Variants in PTPRG observed in about 807,000 individuals in gnomAD.
PTPRG encodes protein tyrosine phosphatase receptor type G, also known as receptor-type tyrosine-protein phosphatase gamma.
In PTPRG, 102 loss-of-function variants were observed where a neutral mutation model predicts 165.3. The observed-to-expected ratio is 0.62, with a 90% CI of 0.53 to 0.73. The LOEUF (loss-of-function observed/expected upper bound fraction) is 0.73. Ranked by LOEUF, PTPRG falls within the 30% of genes least tolerant of loss-of-function variation. PTPRG has a pLI of 0.00. For synonymous variants in PTPRG, 675 were observed against 669.5 expected, an observed-to-expected ratio of 1.01 and a Z score of -0.13; for missense variants, 1,866 against 1,861.4, an observed-to-expected ratio of 1.00 and a Z score of -0.05.
At chr3:62,201,863 T>G (rs776330093) in intron 11 of PTPRG, among the ~76,000 whole-genome samples, 17 of 152,228 alleles carry the variant, frequency 1.1e-4, no homozygotes, top group Non-Finnish European at 2.2e-4. Flanking sequence ...CCCTTTCATT[T>G]GACATATACT....
At chr3:62,053,105 T>A (rs1700515678) in intron 4 of PTPRG, among the ~76,000 whole-genome samples, 1 of 150,338 alleles carries the variant, frequency 6.7e-6, no homozygotes, top group Non-Finnish European at 1.5e-5. Context: ...CTGGCTTTGA[T>A]TTTTTTTTTC....
chr3:61,587,450 T>A (rs893489718), intron 1 of PTPRG, among the ~76,000 whole-genome samples: 10 of 152,186 alleles, frequency 6.6e-5, no homozygotes, highest in Non-Finnish European at 1.3e-4. Context: ...GCAGCCGTGA[T>A]GTTTCTTTAC....
At chr3:62,007,763 G>T (rs1049383882) in intron 4 of PTPRG, among the ~76,000 whole-genome samples, 1 of 152,214 alleles carries the variant, frequency 6.6e-6, no homozygotes, top group Admixed American at 6.5e-5. Context: ...ATGGAGACAT[G>T]GATACTTATT....
chr3:62,261,430 G>C (rs1443288161), intron 16 of PTPRG, among the ~76,000 whole-genome samples: 1 of 152,142 alleles, frequency 6.6e-6, no homozygotes, highest in Non-Finnish European at 1.5e-5. Context: ...TTAGAGAAGA[G>C]CCAAAGGGCA....
At chr3:62,139,158 G>A (rs750814197) in intron 6 of PTPRG, among the ~76,000 whole-genome samples, 10 of 152,110 alleles carry the variant, frequency 6.6e-5, no homozygotes, top group Admixed American at 5.9e-4. Context: ...AAATGTGAGG[G>A]GGACAGTCAG....
At chr3:62,018,112 T>C (rs568787762) in intron 4 of PTPRG, among the ~76,000 whole-genome samples, 1 of 152,304 alleles carries the variant, frequency 6.6e-6, no homozygotes, top group East Asian at 1.9e-4. Context: ...CCAGGCAATA[T>C]GCTGAACATT....
intron 4 of PTPRG, among the ~76,000 whole-genome samples, chr3:62,022,193 A>C (rs184070764): frequency 1.6e-4 from 24 of 152,200 alleles, no homozygotes; most frequent in Non-Finnish European, 2.9e-4. Context: ...CTCAGTGCTG[A>C]GTGTAGTACT....
intron 1 of PTPRG, chr3:61,659,300 A>G (rs1702597112): frequency 4.3e-5 from 42 of 985,270 alleles, no homozygotes; most frequent in Non-Finnish European, 4.9e-5. Context: ...AAAGGCACTG[A>G]TGGTGCAAGT....
chr3:61,821,612 A>C (rs149610814), intron 2 of PTPRG, among the ~76,000 whole-genome samples: 8 of 152,192 alleles, frequency 5.3e-5, no homozygotes, highest in African/African-American at 1.9e-4. Flanking sequence ...TTATAAAGCT[A>C]ATAAAGGAAG....
At chr3:61,778,477 G>C (rs2034449389) in intron 2 of PTPRG, among the ~76,000 whole-genome samples, 1 of 152,006 alleles carries the variant, frequency 6.6e-6, no homozygotes. Context: ...GATGGGGGTG[G>C]GTTTGCAAAG....
intron 1 of PTPRG, among the ~76,000 whole-genome samples, chr3:61,668,049 G>C (rs1441464393): frequency 7.9e-5 from 12 of 152,180 alleles, no homozygotes; most frequent in African/African-American, 2.7e-4. Flanking sequence ...GTAGAAATGA[G>C]TGTTTGCAAC....
At chr3:61,853,531 T>C (rs2037023695) in intron 2 of PTPRG, among the ~76,000 whole-genome samples, 1 of 152,200 alleles carries the variant, frequency 6.6e-6, no homozygotes, top group African/African-American at 2.4e-5. Flanking sequence ...GATCCTCCAG[T>C]CCATGTTAAG....
intron 2 of PTPRG, among the ~76,000 whole-genome samples, chr3:61,965,552 A>T (rs1030216149): frequency 3.3e-5 from 5 of 152,130 alleles, no homozygotes; most frequent in Non-Finnish European, 7.3e-5. Context: ...ATGAGCAGAA[A>T]ATGTGTGAGT....
At chr3:61,663,333 A>G (rs1470031095) in intron 1 of PTPRG, among the ~76,000 whole-genome samples, 3 of 152,210 alleles carry the variant, frequency 2.0e-5, no homozygotes, top group Non-Finnish European at 4.4e-5. Context: ...GAAGGTTCTC[A>G]GTAGGTATTT....
At chr3:61,732,875 T>G in intron 1 of PTPRG, among the ~76,000 whole-genome samples, 1 of 152,232 alleles carries the variant, frequency 6.6e-6, no homozygotes, top group Middle Eastern at 3.2e-3. Flanking sequence ...TCCCTTTTTC[T>G]GTTTAAAAGA....
chr3:62,210,908 T>TA lies in PTPRG; in HGVS notation c.2155+6959dup, dbSNP rs760325617. 1.3e-5 allele frequency among the ~76,000 whole-genome samples: 2 copies of TA among 152,344 alleles called. No individual in the cohort carries two copies. Among genetic ancestry groups the TA allele is most frequent in the South Asian group, 2.1e-4 (1 of 4,828 alleles). Reference sequence around the variant, plus strand: ...AGGCTTCCGGTCATCAGTAGGCTATTAGCAGGAAAGCTTTTGGAGACTCAA... The same window carrying TA: ...AGGCTTCCGGTCATCAGTAGGCTATTAAGCAGGAAAGCTTTTGGAGACTCAA... On this transcript the variant is annotated intron_variant, in intron 12 of 29. Coordinates refer to ENST00000474889, the MANE Select transcript of PTPRG (RefSeq NM_002841.4). This position sits in a 1 kb window ranked among gnomAD's most constrained non-coding sequence, Gnocchi z 4.1.
chr3:62,203,094 TC>T lies in PTPRG; in HGVS notation c.1378-76del. ...CAGAGGGTGACAACCAGGGCCTCAT[TC>T]CCAATCTCAATTACTGATGCTTCTC... On this transcript the variant is annotated intron_variant, in intron 11 of 29. Transcript: ENST00000474889. This position sits in a 1 kb window ranked among gnomAD's most constrained non-coding sequence, Gnocchi z 6.4. 6.6e-7 allele frequency: 1 copy of T among 1,515,654 alleles called. No homozygotes were observed. Among genetic ancestry groups the T allele is most frequent in the South Asian group, 1.3e-5 (1 of 74,898 alleles). The allele number at this position is 1,515,654 out of a possible 1,614,324, so 93.9% of individuals were successfully genotyped here.
chr3:61,671,138 CTTTT>C (rs11356444), intron 1 of PTPRG, among the ~76,000 whole-genome samples: 5,031 of 124,956 alleles, frequency 0.04, 212 homozygotes, highest in African/African-American at 0.11. Context: ...TATGAACTTT[CTTTT>C]TTTTTTTTTT....
At position 61,685,968 on chromosome 3, in the gene PTPRG, T is replaced by C. The variant is rs1056601927; in HGVS notation, c.86-62910T>C. Among the ~76,000 whole-genome samples, 4 of 152,154 alleles carry C rather than the reference T, an allele frequency of 2.6e-5. No individual in the cohort carries two copies. In the East Asian group the frequency reaches 7.7e-4, roughly 29 times the overall value. ...CTCTTTTGAGCTTGGAAAGATTAGTTACCGCTTGTTGGGGTATGAGTGGGA... is the reference window on the plus strand; with the variant it reads ...CTCTTTTGAGCTTGGAAAGATTAGTCACCGCTTGTTGGGGTATGAGTGGGA... On this transcript the variant is annotated intron_variant, in intron 1 of 29. Coordinates refer to ENST00000474889, the MANE Select transcript of PTPRG (RefSeq NM_002841.4).
Sources: gnomAD v4.1 joint callset for allele counts (sites outside exome capture counted in the v4.1 genomes callset) on GRCh38, gnomAD v4.1.1 for gene constraint, Gnocchi (gnomAD v3.1) non-coding constraint, MANE v1.5 for transcripts, NCBI Gene and HGNC (gene_info 2026-07-23, HGNC 2026-07-21) for gene names.